CLMP: variants seen among roughly 807,000 people sequenced by gnomAD.
CLMP encodes the protein CXADR-like membrane protein.
CLMP carries 27 observed loss-of-function variants against 45.2 expected under a neutral mutation model. The ratio of observed to expected loss-of-function variants is 0.60; its 90% CI spans 0.44 to 0.82. CLMP has a LOEUF of 0.82. Ranked by LOEUF, CLMP falls within the 40% of genes least tolerant of loss-of-function variation. The pLI is 0.00. For missense variants in CLMP, 403 were observed against 448.4 expected (o/e 0.90, Z 0.91); for synonymous variants, 167 against 171.4 (o/e 0.97, Z 0.20).
At chr11:123,136,209 G>C in intron 1 of CLMP, 3 of 645,622 alleles carry the variant, frequency 4.6e-6, no homozygotes, top group Non-Finnish European at 9.0e-6. Flanking sequence ...AACCAGCCAG[G>C]AACACCACCC....
At chr11:123,118,429 C>T (rs557651157) in intron 1 of CLMP, among the ~76,000 whole-genome samples, 2 of 152,178 alleles carry the variant, frequency 1.3e-5, no homozygotes, top group Non-Finnish European at 2.9e-5. Flanking sequence ...GCCACCAAGC[C>T]CAGCCAAGAC....
At chr11:123,171,706 A>G (rs1272598610) in intron 1 of CLMP, among the ~76,000 whole-genome samples, 1 of 152,062 alleles carries the variant, frequency 6.6e-6, no homozygotes, top group African/African-American at 2.4e-5. Flanking sequence ...GGTCTCCCAA[A>G]GTGCTGGGAT....
chr11:123,139,457 A>G (rs567320611), intron 1 of CLMP, among the ~76,000 whole-genome samples: 100 of 152,272 alleles, frequency 6.6e-4, no homozygotes, highest in African/African-American at 2.1e-3. Flanking sequence ...TTTAGGGTTC[A>G]GTTTCCACAT....
intron 1 of CLMP, among the ~76,000 whole-genome samples, chr11:123,137,278 C>G (rs548745636): frequency 6.6e-6 from 1 of 151,042 alleles, no homozygotes. Context: ...CTCAGCCTCC[C>G]GAGTAGCTGG....
At chr11:123,098,851 C>A (rs1866021530) in intron 1 of CLMP, among the ~76,000 whole-genome samples, 1 of 151,504 alleles carries the variant, frequency 6.6e-6, no homozygotes, top group Admixed American at 6.6e-5. Flanking sequence ...GGATTACAGG[C>A]ACGCTGTAAT....
At chr11:123,105,068 G>T (rs1245714477) in intron 1 of CLMP, among the ~76,000 whole-genome samples, 3 of 152,184 alleles carry the variant, frequency 2.0e-5, no homozygotes, top group African/African-American at 7.2e-5. Flanking sequence ...CTAAGTGGGA[G>T]CTTTTGCATG....
intron 1 of CLMP, among the ~76,000 whole-genome samples, chr11:123,110,061 T>C (rs1406640534): frequency 6.6e-6 from 1 of 152,170 alleles, no homozygotes; most frequent in East Asian, 1.9e-4. Context: ...AGTAATAGGT[T>C]TACTGCATTT....
chr11:123,077,981 C>T (rs1865759469), intron 5 of CLMP, among the ~76,000 whole-genome samples: 1 of 152,016 alleles, frequency 6.6e-6, no homozygotes, highest in Non-Finnish European at 1.5e-5. Context: ...GTGTGCAGGC[C>T]TGTAATCCTA....
intron 1 of CLMP, among the ~76,000 whole-genome samples, chr11:123,138,456 A>G (rs1861107388): frequency 1.3e-5 from 2 of 152,128 alleles, no homozygotes; most frequent in South Asian, 4.1e-4. Context: ...TATGGTATGT[A>G]TTGTTTGCAA....
chr11:123,111,151 ATTGTGTGTGTGGTTT>A (rs995383911), intron 1 of CLMP, among the ~76,000 whole-genome samples: 14 of 152,072 alleles, frequency 9.2e-5, no homozygotes, highest in Non-Finnish European at 1.9e-4. Context: ...GTTTTGTGCC[ATTGTGTGTGTGGTTT>A]TTGTGTGTGT....
At chr11:123,193,597 T>A (rs1291829317) in intron 1 of CLMP, among the ~76,000 whole-genome samples, 1 of 152,210 alleles carries the variant, frequency 6.6e-6, no homozygotes, top group Non-Finnish European at 1.5e-5. Flanking sequence ...CTCTTTCATT[T>A]CTCTAACTTA....
chr11:123,123,300 C>T (rs1860844721), intron 1 of CLMP, among the ~76,000 whole-genome samples: 1 of 141,824 alleles, frequency 7.1e-6, no homozygotes, highest in Non-Finnish European at 1.5e-5. Context: ...TGCTCTGTCA[C>T]TCAGGTTGGA....
chr11:123,109,646 A>G (rs1468203104), intron 1 of CLMP, among the ~76,000 whole-genome samples: 1 of 152,210 alleles, frequency 6.6e-6, no homozygotes. Flanking sequence ...TTCTGACCCA[A>G]AGCAAGAAGA....
rs182310865 is a variant in CLMP, at chr11:123,071,384, G to A, written c.*2090C>T. ...CGGGAGGTGGAGGTCGCAGTGAGCC[G>A]AGATACGCCACTGCACTCCAGCCTG... On this transcript the variant is annotated 3_prime_UTR_variant, in exon 7 of 7. Transcript: ENST00000448775. 259 of 152,304 alleles carry A rather than the reference G, an allele frequency of 1.7e-3. No individual in the cohort carries two copies. The highest frequency in any genetic ancestry group is 3.7e-3 in the Admixed American group (57 of 15,256). The allele number at this position is 152,304 out of a possible 1,614,324, so 9.4% of individuals were successfully genotyped here. A position where few individuals can be genotyped will look rare whatever the true frequency, so the allele number is the denominator to read the frequency against.
chr11:123,080,800 T>C (rs140364322), intron 5 of CLMP, among the ~76,000 whole-genome samples: 390 of 152,270 alleles, frequency 2.6e-3, no homozygotes, highest in Non-Finnish European at 4.2e-3. Context: ...AGTATAACTT[T>C]GAAAAAAGTA....
At chr11:123,185,816 AAAAC>A (rs1239761052) in intron 1 of CLMP, among the ~76,000 whole-genome samples, 6 of 152,352 alleles carry the variant, frequency 3.9e-5, no homozygotes, top group East Asian at 3.9e-4. Flanking sequence ...TGGGAAGAAA[AAAAC>A]AAACAGATTT....
At chr11:123,103,028 C>T (rs571171366) in intron 1 of CLMP, among the ~76,000 whole-genome samples, 6 of 152,218 alleles carry the variant, frequency 3.9e-5, no homozygotes, top group South Asian at 2.1e-4. Context: ...GTAACCCACA[C>T]GCTCATTTTT....
intron 1 of CLMP, among the ~76,000 whole-genome samples, chr11:123,107,028 A>T (rs189762524): frequency 0.055 from 8,180 of 149,644 alleles, 374 homozygotes; most frequent in East Asian, 0.16. Context: ...CAAAAAAAAA[A>T]AAAAATAATA....
Position 123,150,561 on chromosome 11 carries a change from A to AAGG in CLMP, c.28+44351_28+44352insCCT, listed in dbSNP as rs1555084624. 1.5e-4 allele frequency among the ~76,000 whole-genome samples: 18 copies of AAGG among 120,768 alleles called. 1 individual carries two copies. Among genetic ancestry groups the AAGG allele is most frequent in the African/African-American group, 6.3e-4 (18 of 28,472 alleles). 79.2% of individuals were successfully genotyped at this position (120,768 alleles called of 152,430 possible). On this transcript the variant is annotated intron_variant, in intron 1 of 6. Coordinates refer to ENST00000448775, the MANE Select transcript of CLMP (RefSeq NM_024769.5). ...CAAGCAAGGAAGGAAGGAAGGAAGG[A>AAGG]AAGGAAGGAAGGAAGGAAGGAAAGG...
Sources: gnomAD v4.1 joint callset for allele counts (sites outside exome capture counted in the v4.1 genomes callset) on GRCh38, gnomAD v4.1.1 for gene constraint, MANE v1.5 for transcripts, NCBI Gene and HGNC (gene_info 2026-07-23, HGNC 2026-07-21) for gene names.